Variants in PHF20L1 observed in about 807,000 individuals in gnomAD.
PHF20L1 encodes the protein PHD finger protein 20-like protein 1.
In PHF20L1, 44 loss-of-function variants were observed where a neutral mutation model predicts 125.5. The observed-to-expected ratio is 0.35, with a 90% CI of 0.28 to 0.45. The LOEUF is 0.45. Ranked by LOEUF, PHF20L1 falls within the 20% of genes least tolerant of loss-of-function variation. The probability of loss-of-function intolerance (pLI) is 1.00; values close to 1 mark genes in which losing one functional copy is unlikely to be tolerated. For synonymous variants in PHF20L1, 380 were observed against 403.1 expected, an observed-to-expected ratio of 0.94 and a Z score of 0.69; for missense variants, 1,012 against 1,217.2, an observed-to-expected ratio of 0.83 and a Z score of 2.51.
At position 132,827,152 on chromosome 8, in the gene PHF20L1, C is replaced by T. The variant is rs751079177; in HGVS notation, c.1744+1781C>T. Among the ~76,000 whole-genome samples the T allele has an allele frequency of 6.1e-4, 93 of 151,862 alleles. 3 individuals are homozygous for T. Among genetic ancestry groups the T allele is most frequent in the Middle Eastern group, 6.3e-3 (2 of 316 alleles). ...TGCCTTGCGCCTCACTCCTTTCCCT[C>T]CTGCCCACCCCCCCATCACCTCTTC... On this transcript the variant is annotated intron_variant, in intron 14 of 20. Coordinates refer to ENST00000395386, the MANE Select transcript of PHF20L1 (RefSeq NM_016018.5).
intron 12 of PHF20L1, among the ~76,000 whole-genome samples, chr8:132,819,389 C>G (rs930866557): frequency 9.9e-5 from 15 of 151,838 alleles, no homozygotes; most frequent in African/African-American, 3.6e-4. Context: ...GAGGGTTGAA[C>G]ACAGTATTTG....
chr8:132,823,880 C>A, intron 12 of PHF20L1, 124 bp from the exon 13 acceptor site: 1 of 565,810 alleles, frequency 1.8e-6, no homozygotes. Flanking sequence ...GGCAGTAAAA[C>A]ATGTAGACCG....
In PHF20L1 at chr8:132,837,693, ACTC is replaced by A. The variant is rs1048988869; in HGVS notation, c.2092-15_2092-13del. 2 of 1,587,958 alleles carry A rather than the reference ACTC, an allele frequency of 1.3e-6. No individual in the cohort carries two copies. The highest frequency in any genetic ancestry group is 1.3e-5 in the African/African-American group (1 of 74,262). On this transcript the variant is annotated splice_polypyrimidine_tract_variant and intron_variant, in intron 16 of 20. Transcript: ENST00000395386. Reference sequence around the variant, plus strand: ...CTAGTGAGGATCGGGTGACTGTAATACTCCTCTGTTTTCTGCAGTGTGAAGAGT... The same window carrying A: ...CTAGTGAGGATCGGGTGACTGTAATACTCTGTTTTCTGCAGTGTGAAGAGT...
intron 15 of PHF20L1, among the ~76,000 whole-genome samples, chr8:132,833,810 C>G (rs955135758): frequency 2.0e-5 from 3 of 152,074 alleles, no homozygotes; most frequent in Non-Finnish European, 2.9e-5. Flanking sequence ...TGATCAAGTA[C>G]TAAGTCAGGA....
intron 2 of PHF20L1, among the ~76,000 whole-genome samples, chr8:132,781,669 G>T (rs1400120664): frequency 6.6e-6 from 1 of 152,190 alleles, no homozygotes; most frequent in African/African-American, 2.4e-5. Context: ...TTGACCTTGT[G>T]ATGTGCCTGC....
chr8:132,847,237 ATAGAC>A lies in PHF20L1; in HGVS notation c.*1317_*1321del, dbSNP rs1451482968. 4 of 152,580 alleles carry A rather than the reference ATAGAC, an allele frequency of 2.6e-5. No homozygotes were observed. Among genetic ancestry groups the A allele is most frequent in the African/African-American group, 4.8e-5 (2 of 41,444 alleles). The allele number at this position is 152,580 out of a possible 1,614,324, so 9.5% of individuals were successfully genotyped here. ...ATATCACATATCTAGTTTTATTACTATAGACTATACGAATTGGTGGTTAACATGAA... is the reference window on the plus strand; with the variant it reads ...ATATCACATATCTAGTTTTATTACTATATACGAATTGGTGGTTAACATGAA... On this transcript the variant is annotated 3_prime_UTR_variant, in exon 21 of 21. Transcript: ENST00000395386.
At chr8:132,815,106 A>G (rs775447882) in intron 10 of PHF20L1, 5 of 394,582 alleles carry the variant, frequency 1.3e-5, no homozygotes, top group African/African-American at 2.1e-5. Context: ...TTTCCATTTA[A>G]TAACACAGAT....
chr8:132,820,189 TA>T lies in PHF20L1; in HGVS notation c.1579+2645del, dbSNP rs1835428902. ...TTGTAAAAATTGATGCCTTTGTTTT[TA>T]TTTTACTATCAGGATGCTTTGTCAC... On this transcript the variant is annotated intron_variant, in intron 12 of 20. Transcript: ENST00000395386. Among the ~76,000 whole-genome samples the T allele has an allele frequency of 2.0e-5, 3 of 152,040 alleles. No homozygotes were observed. The South Asian group carries it at 6.2e-4, about 31-fold the overall frequency.
At chr8:132,809,754 G>A (rs1359536468) in intron 8 of PHF20L1, 5 of 152,102 alleles carry the variant, frequency 3.3e-5, no homozygotes, top group Non-Finnish European at 7.4e-5. Flanking sequence ...GATTTTTGGT[G>A]ACCTTTTATG....
chr8:132,834,137 A>G (rs1368328084), intron 15 of PHF20L1, among the ~76,000 whole-genome samples: 1 of 152,092 alleles, frequency 6.6e-6, no homozygotes, highest in Non-Finnish European at 1.5e-5. Context: ...CTTCTTACAT[A>G]ACTTTCAGCT....
chr8:132,776,130 T>C (rs963852664), intron 1 of PHF20L1, among the ~76,000 whole-genome samples: 1 of 152,200 alleles, frequency 6.6e-6, no homozygotes, highest in African/African-American at 2.4e-5. Flanking sequence ...TTGCTTCAAG[T>C]TTTACTCCCA....
chr8:132,814,910 AAT>A (rs1834784033), intron 10 of PHF20L1, 21 bp downstream of exon 10: 1 of 1,515,982 alleles, frequency 6.6e-7, no homozygotes. Context: ...ATTTTTAAAA[AAT>A]AGTTATTTAT....
chr8:132,817,676 C>A, intron 12 of PHF20L1, 131 bp downstream of exon 12: 1 of 638,566 alleles, frequency 1.6e-6, no homozygotes, highest in South Asian at 2.0e-5. Flanking sequence ...AATACTTTAA[C>A]ATTTATAGGA....
At chr8:132,840,442 A>G (rs1837814942) in intron 18 of PHF20L1, among the ~76,000 whole-genome samples, 1 of 152,138 alleles carries the variant, frequency 6.6e-6, no homozygotes, top group African/African-American at 2.4e-5. Flanking sequence ...GTACTCTATC[A>G]GTTCATTCTT....
chr8:132,778,983 G>A (rs1196964907), intron 2 of PHF20L1, among the ~76,000 whole-genome samples: 1 of 152,206 alleles, frequency 6.6e-6, no homozygotes, highest in Non-Finnish European at 1.5e-5. Context: ...AACTTCCCGA[G>A]TTGGCAATGG....
intron 2 of PHF20L1, among the ~76,000 whole-genome samples, chr8:132,792,017 A>C (rs1327773395): frequency 6.6e-6 from 1 of 152,228 alleles, no homozygotes; most frequent in Non-Finnish European, 1.5e-5. Context: ...TGTGAAAATA[A>C]AGATGTGTTT....
chr8:132,817,160 G>A, intron 11 of PHF20L1, 84 bp downstream of exon 11: 1 of 956,672 alleles, frequency 1.0e-6, no homozygotes, highest in Non-Finnish European at 1.5e-6. Flanking sequence ...AAAATATTAA[G>A]ATATTTCTGC....
intron 10 of PHF20L1, chr8:132,815,536 A>G (rs187106696): frequency 6.6e-6 from 1 of 152,000 alleles, no homozygotes; most frequent in Non-Finnish European, 1.5e-5. Context: ...TTAGTATCCT[A>G]AGTTGGAGAC....
chr8:132,827,485 G>T (rs1423022360), intron 14 of PHF20L1, among the ~76,000 whole-genome samples: 1 of 152,006 alleles, frequency 6.6e-6, no homozygotes, highest in Non-Finnish European at 1.5e-5. Context: ...GTTCTGTTCT[G>T]ATATTTAGTA....
Sources: gnomAD v4.1 joint callset for allele counts (sites outside exome capture counted in the v4.1 genomes callset) on GRCh38, gnomAD v4.1.1 for gene constraint, MANE v1.5 for transcripts, NCBI Gene and HGNC (gene_info 2026-07-23, HGNC 2026-07-21) for gene names.